Variants in DBH observed in about 807,000 individuals in gnomAD.
The protein encoded by DBH is dopamine beta-hydroxylase.
DBH carries 49 observed loss-of-function variants against 64.0 expected under a neutral mutation model. That is an observed-to-expected ratio of 0.77 (90% CI 0.61 to 0.97). DBH has a LOEUF of 0.97. Among genes scored for constraint, DBH ranks in the 50% least tolerant of loss-of-function variants. The pLI, the probability that DBH is intolerant of heterozygous loss-of-function variation, is 0.00. For missense variants in DBH, 828 were observed against 826.6 expected (o/e 1.00, Z -0.02); for synonymous variants, 343 against 347.1 (o/e 0.99, Z 0.13).
At chr9:133,645,405 G>C (rs568111257) in intron 5 of DBH, among the ~76,000 whole-genome samples, 1 of 152,144 alleles carries the variant, frequency 6.6e-6, no homozygotes, top group African/African-American at 2.4e-5. Flanking sequence ...AACTCCTGAA[G>C]CATCAGGGAA....
At chr9:133,640,713 C>T (rs914407371) in intron 2 of DBH, among the ~76,000 whole-genome samples, 4 of 152,246 alleles carry the variant, frequency 2.6e-5, no homozygotes, top group Non-Finnish European at 2.9e-5. Context: ...ATGGGTGTAG[C>T]TGAGTGACCA....
chr9:133,654,392 T>C (rs1832288708), intron 9 of DBH, among the ~76,000 whole-genome samples: 1 of 152,180 alleles, frequency 6.6e-6, no homozygotes, highest in Admixed American at 6.5e-5. Context: ...AGTGTTTGTA[T>C]TTTCACAGGT....
In DBH at chr9:133,636,541, G is replaced by T. The variant is rs533854976; in HGVS notation, c.170G>T (p.Gly57Val). 1.2e-6 allele frequency: 2 copies of T among 1,613,384 alleles called. No homozygotes were observed. Among genetic ancestry groups the T allele is most frequent in the Non-Finnish European group, 1.7e-6 (2 of 1,180,008 alleles). The change falls in exon 1 of 12, where the codon GGG becomes GTG. Residue 57 changes from glycine to valine, a missense_variant. Physicochemically the swap from Gly to Val is moderately radical, Grantham distance 109 (BLOSUM62 -3). Transcript: ENST00000393056. ...TATCACATCCCCCTGGACCCGGAGG[G>T]GTCCCTGGAGCTCTCATGGAATGTC... is the stretch of plus-strand genomic sequence containing the variant. ...LPYHIPLDPE[G>V]SLELSWNVSY...
rs533074165 is a variant in DBH at position 133,642,556 on chromosome 9, C to T, written c.744+92C>T. The T allele has an allele frequency of 1.4e-5, 21 of 1,471,198 alleles. No individual in the cohort carries two copies. In the African/African-American group the frequency reaches 2.8e-4, roughly 20 times the overall value. 91.1% of individuals were successfully genotyped at this position (1,471,198 alleles called of 1,614,324 possible). A position where few individuals can be genotyped will look rare whatever the true frequency, so the allele number is the denominator to read the frequency against. On this transcript the variant is annotated intron_variant, in intron 3 of 11. Transcript: ENST00000393056. Reference sequence around the variant, plus strand: ...TGACCCTGGAGAGCTGTCCACAGTCCTGGTTGGACCAGGTGTCCTCTTATC... The same window carrying T: ...TGACCCTGGAGAGCTGTCCACAGTCTTGGTTGGACCAGGTGTCCTCTTATC...
At chr9:133,652,505 ACAGGACACTCCCAGGGG>A (rs367730819) in intron 8 of DBH, among the ~76,000 whole-genome samples, 86 of 152,154 alleles carry the variant, frequency 5.7e-4, no homozygotes, top group Middle Eastern at 3.4e-3. Context: ...AGTGGAGCAG[ACAGGACACTCCCAGGGG>A]ACGCGTGTCC....
intron 10 of DBH, 81 bp downstream of exon 10, chr9:133,656,731 TGGA>T (rs2131295143): frequency 6.4e-7 from 1 of 1,553,792 alleles, no homozygotes; most frequent in Non-Finnish European, 8.8e-7. Context: ...CTGGGCAGAT[TGGA>T]GGAGTCCAGG....
chr9:133,657,196 G>A lies in DBH; in HGVS notation c.1689G>A (p.Met563Ile), dbSNP rs1227610591. Residue 563 changes from methionine to isoleucine, a missense_variant, in exon 11 of 12, where the codon ATG becomes ATA. Physicochemically the swap from Met to Ile is conservative, Grantham distance 10. Coordinates refer to ENST00000393056, the MANE Select transcript of DBH (RefSeq NM_000787.4). ...TGTACAGCTTCGCGCCCATCTCCATGCACTGCAACAAGTCCTCAGCCGTCC... is the reference window on the plus strand; with the variant it reads ...TGTACAGCTTCGCGCCCATCTCCATACACTGCAACAAGTCCTCAGCCGTCC... Reference protein sequence around the residue: ...KALYSFAPISMHCNKSSAVRF... With the variant: ...KALYSFAPISIHCNKSSAVRF... 6.2e-7 allele frequency: 1 copy of A among 1,613,988 alleles called. No homozygotes were observed. Among genetic ancestry groups the A allele is most frequent in the Non-Finnish European group, 8.5e-7 (1 of 1,180,036 alleles).
At chr9:133,637,964 A>G (rs935156398) in intron 1 of DBH, among the ~76,000 whole-genome samples, 1 of 152,232 alleles carries the variant, frequency 6.6e-6, no homozygotes, top group African/African-American at 2.4e-5. Flanking sequence ...AGCCGTCTGG[A>G]GGAGCAGCTG....
In DBH at chr9:133,651,621, C is replaced by G. The variant is rs766523963; in HGVS notation, c.1192-13C>G. Reference sequence around the variant, plus strand: ...GGGTCAGGCCCTGACACTGCAGCCCCCCGACCCCACAGGCACTGCCTCCCT... The same window carrying G: ...GGGTCAGGCCCTGACACTGCAGCCCGCCGACCCCACAGGCACTGCCTCCCT... On this transcript the variant is annotated splice_polypyrimidine_tract_variant and intron_variant, in intron 6 of 11. Coordinates refer to ENST00000393056, the MANE Select transcript of DBH (RefSeq NM_000787.4). 6.2e-7 allele frequency: 1 copy of G among 1,613,196 alleles called. No individual in the cohort carries two copies.
At chr9:133,650,585 T>G (rs1832237786) in intron 6 of DBH, among the ~76,000 whole-genome samples, 1 of 149,832 alleles carries the variant, frequency 6.7e-6, no homozygotes, top group African/African-American at 2.5e-5. Flanking sequence ...TTCGCTCCTG[T>G]TGCCCAGGCT....
chr9:133,657,202 C>T lies in DBH; in HGVS notation c.1695C>T (p.Cys565=). The change falls in exon 11 of 12, where the codon TGC becomes TGT. Residue 565 remains cysteine, a synonymous_variant. Transcript: ENST00000393056. The part of the protein sequence containing the change: ...LYSFAPISMH[C]NKSSAVRFQG... ...GCTTCGCGCCCATCTCCATGCACTG[C>T]AACAAGTCCTCAGCCGTCCGCTTCC... The T allele has an allele frequency of 1.9e-6, 3 of 1,614,132 alleles. No homozygotes were observed. Among genetic ancestry groups the T allele is most frequent in the Non-Finnish European group, 2.5e-6 (3 of 1,180,036 alleles).
At chr9:133,654,969 A>T (rs1309608983) in intron 9 of DBH, 1 of 152,312 alleles carries the variant, frequency 6.6e-6, no homozygotes, top group Non-Finnish European at 1.5e-5. Flanking sequence ...CTTGCCGGGC[A>T]TCCAGCGAGG....
intron 8 of DBH, 32 bp downstream of exon 8, chr9:133,652,316 A>AGC: frequency 6.2e-7 from 1 of 1,611,122 alleles, no homozygotes; most frequent in African/African-American, 1.3e-5. Flanking sequence ...TGTCCCACTC[A>AGC]CTGCCACCAG....
At position 133,658,562 on chromosome 9, in the gene DBH, G is replaced by C; in HGVS notation, c.*115G>C. The C allele has an allele frequency of 8.1e-7, 1 of 1,235,924 alleles. No homozygotes were observed. The allele number at this position is 1,235,924 out of a possible 1,614,324, so 76.6% of individuals were successfully genotyped here. A position where few individuals can be genotyped will look rare whatever the true frequency, so the allele number is the denominator to read the frequency against. ...CAGCCCTGCACGCCCAGGATGAAGG[G>C]GCCAGACCACGCCCCTGCCTGAGAC... On this transcript the variant is annotated 3_prime_UTR_variant, in exon 12 of 12. Coordinates refer to ENST00000393056, the MANE Select transcript of DBH (RefSeq NM_000787.4).
chr9:133,640,322 C>T (rs990908644), intron 2 of DBH, among the ~76,000 whole-genome samples: 1 of 152,228 alleles, frequency 6.6e-6, no homozygotes, highest in Non-Finnish European at 1.5e-5. Flanking sequence ...CCTCCTGGTC[C>T]TGTTAACCAT....
In DBH at chr9:133,656,006, A is replaced by C. The variant is rs189112763; in HGVS notation, c.1435-517A>C. ...GCCTCTAGTCACGGTCCTGTCTTATAGAGTCCCTGCTCCCCTCAGAGCCAC... is the reference window on the plus strand; with the variant it reads ...GCCTCTAGTCACGGTCCTGTCTTATCGAGTCCCTGCTCCCCTCAGAGCCAC... On this transcript the variant is annotated intron_variant, in intron 9 of 11. Coordinates refer to ENST00000393056, the MANE Select transcript of DBH (RefSeq NM_000787.4). 7 of 211,214 alleles carry C rather than the reference A, an allele frequency of 3.3e-5. No individual in the cohort carries two copies. In the East Asian group the frequency reaches 8.1e-4, roughly 25 times the overall value. The allele number at this position is 211,214 out of a possible 1,614,324, so 13.1% of individuals were successfully genotyped here.
At chr9:133,640,246 T>C (rs527776323) in intron 2 of DBH, among the ~76,000 whole-genome samples, 2 of 152,342 alleles carry the variant, frequency 1.3e-5, no homozygotes, top group South Asian at 4.1e-4. Context: ...TGACATGGTT[T>C]CTAGATGCGG....
rs1832137313 is a variant in DBH, at chr9:133,643,159, A to G, written c.745-254A>G. Among the ~76,000 whole-genome samples, 1 of 148,874 alleles carries G rather than the reference A, an allele frequency of 6.7e-6. No individual in the cohort carries two copies. The highest frequency in any genetic ancestry group is 2.1e-4 in the South Asian group (1 of 4,720). Reference sequence around the variant, plus strand: ...CTGGCCCGGCCACAGCCCCATATGCATGAGGACGGCTGCGTCCTGTCCCTG... The same window carrying G: ...CTGGCCCGGCCACAGCCCCATATGCGTGAGGACGGCTGCGTCCTGTCCCTG... On this transcript the variant is annotated intron_variant, in intron 3 of 11. Transcript: ENST00000393056. The surrounding 1 kb of genome is among the most constrained non-coding windows in gnomAD (Gnocchi z 5.3).
At chr9:133,653,665 G>A (rs990662611) in intron 9 of DBH, among the ~76,000 whole-genome samples, 8 of 152,120 alleles carry the variant, frequency 5.3e-5, no homozygotes, top group Non-Finnish European at 1.0e-4. Context: ...GGCAGGATGA[G>A]CGTCAGCTGA....
Sources: allele counts gnomAD v4.1 joint callset (sites outside exome capture counted in the v4.1 genomes callset), GRCh38; gene constraint gnomAD v4.1.1; non-coding constraint Gnocchi (gnomAD v3.1); transcripts MANE v1.5; gene names NCBI Gene and HGNC (gene_info 2026-07-23, HGNC 2026-07-21).